FHIT: variants seen among roughly 807,000 people sequenced by gnomAD.
FHIT encodes the protein bis(5'-adenosyl)-triphosphatase.
A neutral mutation model predicts 17.9 loss-of-function variants in FHIT; 19 were observed. The ratio of observed to expected loss-of-function variants is 1.06; its 90% CI spans 0.74 to 1.56. The LOEUF is 1.56. FHIT is among the 40% of genes most tolerant of loss of function. FHIT has a pLI of 0.00. For synonymous variants in FHIT, 81 were observed against 69.7 expected, an observed-to-expected ratio of 1.16 and a Z score of -0.81; for missense variants, 248 against 189.2, an observed-to-expected ratio of 1.31 and a Z score of -1.82.
In FHIT at chr3:60,500,771, T is replaced by TAAAAAAAAAAAA. The variant is rs71092606; in HGVS notation, c.103+36077_103+36088dup. Reference sequence around the variant, plus strand: ...CTGGGTGACAGAGTGAGCATCCATCTAAAAAAAAAAAAAAAAAAAAAAAAA... The same window carrying TAAAAAAAAAAAA: ...CTGGGTGACAGAGTGAGCATCCATCTAAAAAAAAAAAAAAAAAAAAAAAAAAAAAAAAAAAAA... On this transcript the variant is annotated intron_variant, in intron 5 of 9. Coordinates refer to ENST00000492590, the MANE Select transcript of FHIT (RefSeq NM_002012.4). Among the ~76,000 whole-genome samples the TAAAAAAAAAAAA allele has an allele frequency of 9.4e-4, 61 of 64,856 alleles. 4 individuals are homozygous for TAAAAAAAAAAAA. The highest frequency in any genetic ancestry group is 2.3e-3 in the Admixed American group (10 of 4,364). 42.5% of individuals were successfully genotyped at this position (64,856 alleles called of 152,430 possible).
chr3:59,877,307 C>A (rs1703207940), intron 8 of FHIT, among the ~76,000 whole-genome samples: 1 of 152,130 alleles, frequency 6.6e-6, no homozygotes, highest in South Asian at 2.1e-4. Flanking sequence ...TCAGGTTTTT[C>A]CTAAAGCCAT....
intron 8 of FHIT, among the ~76,000 whole-genome samples, chr3:59,813,264 A>C (rs992718097): frequency 2.0e-5 from 3 of 152,146 alleles, no homozygotes; most frequent in Non-Finnish European, 4.4e-5. Context: ...TGGCACTGTC[A>C]ACCTTATTTT....
chr3:60,137,860 C>A (rs917205136), intron 5 of FHIT, among the ~76,000 whole-genome samples: 4 of 152,106 alleles, frequency 2.6e-5, no homozygotes, highest in Non-Finnish European at 5.9e-5. Flanking sequence ...AACATCTACA[C>A]ATAAGAGACC....
chr3:59,956,391 C>T (rs893616860), intron 7 of FHIT, among the ~76,000 whole-genome samples: 4 of 152,122 alleles, frequency 2.6e-5, no homozygotes, highest in Admixed American at 6.5e-5. Context: ...GAAAAAAGGC[C>T]GGGCATGGTG....
intron 5 of FHIT, among the ~76,000 whole-genome samples, chr3:60,030,891 A>G (rs886971940): frequency 1.0e-3 from 155 of 152,358 alleles, no homozygotes; most frequent in African/African-American, 3.4e-3. Flanking sequence ...GTAAGTAGAG[A>G]GTAGAAAAAA....
chr3:60,710,493 G>C (rs2041496129), intron 4 of FHIT, among the ~76,000 whole-genome samples: 1 of 152,230 alleles, frequency 6.6e-6, no homozygotes, highest in African/African-American at 2.4e-5. Flanking sequence ...GGAAGCGCAA[G>C]GGATCAGGGA....
intron 3 of FHIT, among the ~76,000 whole-genome samples, chr3:60,898,497 A>G (rs1705942442): frequency 6.6e-6 from 1 of 152,200 alleles, no homozygotes; most frequent in African/African-American, 2.4e-5. Flanking sequence ...CATTAGTGTT[A>G]TCTTTCTCTG....
chr3:60,937,354 T>C (rs1408886330), intron 3 of FHIT, among the ~76,000 whole-genome samples: 1 of 152,138 alleles, frequency 6.6e-6, no homozygotes, highest in African/African-American at 2.4e-5. Flanking sequence ...CACAGAGGGC[T>C]CTTCATTTTC....
At chr3:60,567,934 C>G (rs1471106808) in intron 4 of FHIT, among the ~76,000 whole-genome samples, 2 of 152,102 alleles carry the variant, frequency 1.3e-5, no homozygotes, top group African/African-American at 4.8e-5. Context: ...GTTAGAATGG[C>G]AATCATTAAA....
intron 3 of FHIT, among the ~76,000 whole-genome samples, chr3:60,931,909 T>C (rs1707975155): frequency 1.3e-5 from 2 of 152,222 alleles, no homozygotes; most frequent in African/African-American, 4.8e-5. Flanking sequence ...ATTATCCAAC[T>C]ATGTGAAAAA....
At chr3:60,938,808 G>T (rs1708295088) in intron 3 of FHIT, among the ~76,000 whole-genome samples, 1 of 152,140 alleles carries the variant, frequency 6.6e-6, no homozygotes, top group Non-Finnish European at 1.5e-5. Flanking sequence ...AGAGCTACAT[G>T]TGTATTCTTT....
intron 5 of FHIT, among the ~76,000 whole-genome samples, chr3:60,174,200 G>A (rs893726139): frequency 1.3e-5 from 2 of 151,388 alleles, no homozygotes; most frequent in Non-Finnish European, 2.9e-5. Flanking sequence ...GTGAGCCACC[G>A]TGCCTGGCCT....
At chr3:60,811,242 T>A (rs1553735953) in intron 4 of FHIT, among the ~76,000 whole-genome samples, 1 of 152,176 alleles carries the variant, frequency 6.6e-6, no homozygotes, top group African/African-American at 2.4e-5. Flanking sequence ...TGGAGTTCTA[T>A]AAGAAGAAAA....
Position 60,215,950 on chromosome 3 carries a change from A to G in FHIT, c.104-201798T>C, listed in dbSNP as rs958056226. Among the ~76,000 whole-genome samples, 3 of 152,320 alleles carry G rather than the reference A, an allele frequency of 2.0e-5. No individual in the cohort carries two copies. The East Asian group carries it at 5.8e-4, about 29-fold the overall frequency. ...CTTTTTAAAGGCCTAGTCAGTTACC[A>G]TGATAAATAAAGACATACACTCCAA... On this transcript the variant is annotated intron_variant, in intron 5 of 9. Transcript: ENST00000492590.
intron 5 of FHIT, among the ~76,000 whole-genome samples, chr3:60,232,197 A>C (rs1003887597): frequency 1.1e-4 from 16 of 152,192 alleles, no homozygotes; most frequent in African/African-American, 3.9e-4. Context: ...GTCCTGCATC[A>C]TATTTCAAGT....
At chr3:60,207,349 T>A (rs376765711) in intron 5 of FHIT, among the ~76,000 whole-genome samples, 33 of 152,226 alleles carry the variant, frequency 2.2e-4, no homozygotes, top group East Asian at 7.7e-4. Flanking sequence ...CATTCAGCAA[T>A]CAGCCACCAC....
chr3:60,653,854 C>T (rs1553688922), intron 4 of FHIT, among the ~76,000 whole-genome samples: 2 of 152,182 alleles, frequency 1.3e-5, no homozygotes, highest in East Asian at 1.9e-4. Context: ...AAGTTTACCT[C>T]CCATTCACCC....
intron 5 of FHIT, among the ~76,000 whole-genome samples, chr3:60,530,122 T>C (rs51549): frequency 0.4 from 60,325 of 151,958 alleles, 12,474 homozygotes; most frequent in African/African-American, 0.5. Flanking sequence ...TAAAACATAG[T>C]ATGGAAGACA....
At chr3:60,515,296 G>C (rs567193195) in intron 5 of FHIT, among the ~76,000 whole-genome samples, 8 of 152,294 alleles carry the variant, frequency 5.3e-5, no homozygotes, top group African/African-American at 1.7e-4. Context: ...CCCTGTCCCT[G>C]GCACAGAACA....
Sources: gnomAD v4.1 joint callset for allele counts (sites outside exome capture counted in the v4.1 genomes callset) on GRCh38, gnomAD v4.1.1 for gene constraint, MANE v1.5 for transcripts, NCBI Gene and HGNC (gene_info 2026-07-23, HGNC 2026-07-21) for gene names.